BLTP3A: variants seen among roughly 807,000 people sequenced by gnomAD.
BLTP3A encodes the protein ICBP90 binding protein 1.
the BLTP3A span, among the ~76,000 whole-genome samples, chr6:34,825,280 G>A: frequency 4.6e-5 from 7 of 151,916 alleles, no homozygotes; most frequent in East Asian, 1.4e-3. Context: ...GGGGTGAAAG[G>A]TCTCTCTCTG....
the BLTP3A span, among the ~76,000 whole-genome samples, chr6:34,817,002 A>C: frequency 6.6e-6 from 1 of 152,236 alleles, no homozygotes; most frequent in African/African-American, 2.4e-5. Flanking sequence ...ATTTAAATAC[A>C]TAAGAGACTT....
chr6:34,854,229 GA>G, the BLTP3A span, among the ~76,000 whole-genome samples: 1 of 151,286 alleles, frequency 6.6e-6, no homozygotes, highest in African/African-American at 2.4e-5. Context: ...CTCAAAAAAA[GA>G]AAAAAATTAA....
chr6:34,826,018 C>G, the BLTP3A span, among the ~76,000 whole-genome samples: 1 of 138,128 alleles, frequency 7.2e-6, no homozygotes, highest in Non-Finnish European at 1.5e-5. Context: ...ATTCTTTTTA[C>G]ATTTTGCATT....
the BLTP3A span, chr6:34,836,172 C>T: frequency 4.1e-5 from 66 of 1,614,144 alleles, 1 homozygote; most frequent in East Asian, 1.4e-3. Context: ...CCACCAGCCC[C>T]CAGTGCCCAG....
the BLTP3A span, among the ~76,000 whole-genome samples, chr6:34,827,333 CAAAG>C: frequency 7.9e-5 from 12 of 151,618 alleles, no homozygotes; most frequent in African/African-American, 2.7e-4. Context: ...AAAAACAAAA[CAAAG>C]AAAGAGAAAA....
At chr6:34,836,012 T>G in the BLTP3A span, 18 of 997,082 alleles carry the variant, frequency 1.8e-5, no homozygotes, top group South Asian at 3.3e-5. Context: ...CGGACCTAAG[T>G]GAGCTACTAG....
chr6:34,865,581 A>G, the BLTP3A span, among the ~76,000 whole-genome samples: 2 of 152,146 alleles, frequency 1.3e-5, no homozygotes, highest in African/African-American at 4.8e-5. Flanking sequence ...TGGTAACTCT[A>G]TTTTTAGCTT....
the BLTP3A span, chr6:34,867,696 C>T: frequency 2.0e-6 from 3 of 1,491,030 alleles, no homozygotes; most frequent in African/African-American, 1.4e-5. Flanking sequence ...TGTCACTGTG[C>T]TCTAAGGGCA....
chr6:34,807,876 C>G, the BLTP3A span, among the ~76,000 whole-genome samples: 1 of 151,888 alleles, frequency 6.6e-6, no homozygotes, highest in African/African-American at 2.4e-5. Context: ...CCCATCTCTA[C>G]TAAAAATACA....
chr6:34,866,374 C>T, the BLTP3A span, among the ~76,000 whole-genome samples: 1 of 151,820 alleles, frequency 6.6e-6, no homozygotes, highest in Non-Finnish European at 1.5e-5. Context: ...TTGCACTCCC[C>T]TGGGCGACAG....
At chr6:34,872,639 T>G in the BLTP3A span, 8 of 552,378 alleles carry the variant, frequency 1.4e-5, no homozygotes, top group South Asian at 1.2e-4. Flanking sequence ...CATGATTGTA[T>G]CCCAGGAAAC....
At chr6:34,857,032 T>G in the BLTP3A span, 1 of 1,403,906 alleles carries the variant, frequency 7.1e-7, no homozygotes, top group Admixed American at 2.2e-5. Flanking sequence ...ACTATTTACC[T>G]CACTTCTGGG....
chr6:34,837,179 A>G, the BLTP3A span, among the ~76,000 whole-genome samples: 6 of 152,200 alleles, frequency 3.9e-5, no homozygotes, highest in African/African-American at 1.2e-4. Flanking sequence ...ATGCTTATAT[A>G]TGATATTAAA....
the BLTP3A span, among the ~76,000 whole-genome samples, chr6:34,820,074 T>C: frequency 6.6e-6 from 1 of 152,164 alleles, no homozygotes; most frequent in Non-Finnish European, 1.5e-5. Flanking sequence ...GGATTTCATT[T>C]TACCCTACTT....
At chr6:34,802,268 C>T in the BLTP3A span, among the ~76,000 whole-genome samples, 268 of 152,062 alleles carry the variant, frequency 1.8e-3, 1 homozygote, top group African/African-American at 6.0e-3. Flanking sequence ...TGCAACGGTG[C>T]GATCGTAGCT....
chr6:34,800,073 A>G, the BLTP3A span, among the ~76,000 whole-genome samples: 1 of 151,746 alleles, frequency 6.6e-6, no homozygotes, highest in Non-Finnish European at 1.5e-5. Flanking sequence ...GTTCCTATTT[A>G]TCTTTTTTTT....
chr6:34,836,104 A>G, the BLTP3A span: 3 of 1,578,526 alleles, frequency 1.9e-6, no homozygotes, highest in Non-Finnish European at 2.6e-6. Context: ...GAAAGCCTAC[A>G]AAGGATCTTT....
chr6:34,864,751 T>C, the BLTP3A span, among the ~76,000 whole-genome samples: 3 of 151,980 alleles, frequency 2.0e-5, no homozygotes, highest in Non-Finnish European at 4.4e-5. Flanking sequence ...GTGGATCACT[T>C]GAGGTCGAGA....
At chr6:34,822,816 T>C in the BLTP3A span, among the ~76,000 whole-genome samples, 2 of 150,508 alleles carry the variant, frequency 1.3e-5, no homozygotes, top group African/African-American at 2.5e-5. Context: ...GAGATCACCC[T>C]GCAGCCTGGG....
Sources: allele counts gnomAD v4.1 joint callset (sites outside exome capture counted in the v4.1 genomes callset), GRCh38; gene constraint gnomAD v4.1.1; transcripts MANE v1.5; gene names NCBI Gene and HGNC (gene_info 2026-07-23, HGNC 2026-07-21).